SLC9A4: variants seen among roughly 807,000 people sequenced by gnomAD.
SLC9A4 encodes the protein sodium/hydrogen exchanger 4.
SLC9A4 carries 63 observed loss-of-function variants against 67.4 expected under a neutral mutation model. That is an observed-to-expected ratio of 0.93 (90% CI 0.76 to 1.15). SLC9A4 has a LOEUF of 1.15. Ranked by LOEUF, SLC9A4 falls within the 50% of genes most tolerant of loss-of-function variation. The probability of loss-of-function intolerance (pLI) is 0.00; values close to 1 mark genes in which losing one functional copy is unlikely to be tolerated. For missense variants in SLC9A4, 1,089 were observed against 987.7 expected (o/e 1.10, Z -1.38); for synonymous variants, 393 against 367.2 (o/e 1.07, Z -0.80).
intron 3 of SLC9A4, 152 bp downstream of exon 3, chr2:102,503,859 G>C (rs771162552): frequency 1.1e-5 from 12 of 1,092,082 alleles, no homozygotes; most frequent in Non-Finnish European, 1.5e-5. Flanking sequence ...TATGAAACCT[G>C]ATTCGGGTTC....
intron 2 of SLC9A4, among the ~76,000 whole-genome samples, chr2:102,490,196 G>A (rs1295584150): frequency 2.0e-5 from 3 of 152,138 alleles, no homozygotes; most frequent in Non-Finnish European, 4.4e-5. Context: ...AAGCAGTGAA[G>A]ATTAATTGTA....
chr2:102,530,857 T>C (rs1674765214), intron 11 of SLC9A4, among the ~76,000 whole-genome samples: 1 of 152,218 alleles, frequency 6.6e-6, no homozygotes, highest in Non-Finnish European at 1.5e-5. Context: ...GTTAGCTTCT[T>C]AGTATAATTT....
intron 4 of SLC9A4, among the ~76,000 whole-genome samples, chr2:102,507,462 G>C (rs576289997): frequency 6.6e-6 from 1 of 152,122 alleles, no homozygotes; most frequent in Non-Finnish European, 1.5e-5. Flanking sequence ...TATGTTTCAA[G>C]CAAGCTCTTC....
intron 2 of SLC9A4, among the ~76,000 whole-genome samples, chr2:102,502,200 T>C (rs1684956181): frequency 6.6e-6 from 1 of 152,200 alleles, no homozygotes; most frequent in African/African-American, 2.4e-5. Flanking sequence ...TATGTCTCAT[T>C]ACCTGTACAC....
chr2:102,522,488 G>T (rs948344301), intron 9 of SLC9A4, among the ~76,000 whole-genome samples: 1 of 152,148 alleles, frequency 6.6e-6, no homozygotes, highest in African/African-American at 2.4e-5. Flanking sequence ...AGAGAAGCAC[G>T]TGGGTCATGG....
rs554283268 is a variant in SLC9A4 at position 102,495,501 on chromosome 2, A to T, written c.721-7947A>T. 9.9e-5 allele frequency among the ~76,000 whole-genome samples: 15 copies of T among 151,972 alleles called. 1 individual carries two copies. In the South Asian group the frequency reaches 3.1e-3, roughly 32 times the overall value. On this transcript the variant is annotated intron_variant, in intron 2 of 11. Coordinates refer to ENST00000295269, the MANE Select transcript of SLC9A4 (RefSeq NM_001011552.4). The stretch of plus-strand genomic sequence containing the variant: ...CCAGAAAACATTTTAGTAGAAACTG[A>T]CAAAGCTGATTCTAAAAATCTGTTT...
intron 7 of SLC9A4, among the ~76,000 whole-genome samples, chr2:102,513,006 G>A (rs1002078316): frequency 3.3e-5 from 5 of 152,168 alleles, no homozygotes; most frequent in Non-Finnish European, 7.3e-5. Context: ...CACGTCAGGA[G>A]ACACAAAGCA....
intron 2 of SLC9A4, among the ~76,000 whole-genome samples, chr2:102,482,573 G>A (rs1380209370): frequency 1.3e-5 from 2 of 151,862 alleles, no homozygotes; most frequent in African/African-American, 4.8e-5. Context: ...TCTTAAGGTA[G>A]CCCCTCTGAC....
At chr2:102,521,315 G>T (rs1306271253) in intron 9 of SLC9A4, among the ~76,000 whole-genome samples, 8 of 152,080 alleles carry the variant, frequency 5.3e-5, no homozygotes, top group Non-Finnish European at 1.2e-4. Flanking sequence ...GCATCCTTTG[G>T]TCTTTTTTAG....
At chr2:102,522,634 C>T (rs1019565130) in intron 9 of SLC9A4, among the ~76,000 whole-genome samples, 2 of 152,168 alleles carry the variant, frequency 1.3e-5, no homozygotes, top group African/African-American at 4.8e-5. Context: ...CACACACACA[C>T]TGAATTCAGT....
chr2:102,474,579 G>A (rs1448827154), intron 1 of SLC9A4, among the ~76,000 whole-genome samples: 1 of 152,174 alleles, frequency 6.6e-6, no homozygotes, highest in African/African-American at 2.4e-5. Context: ...TAAAATATTA[G>A]TTTATACCTA....
intron 6 of SLC9A4, among the ~76,000 whole-genome samples, chr2:102,510,787 G>A (rs780234807): frequency 6.6e-6 from 1 of 152,200 alleles, no homozygotes; most frequent in Non-Finnish European, 1.5e-5. Flanking sequence ...ACATGGCCGA[G>A]TGGCAGATTT....
At chr2:102,531,999 A>G (rs141745253) in intron 11 of SLC9A4, among the ~76,000 whole-genome samples, 460 of 152,348 alleles carry the variant, frequency 3.0e-3, no homozygotes, top group African/African-American at 0.011. Context: ...GACAAGACCA[A>G]GCATCTTTGT....
chr2:102,490,732 A>G (rs952704370), intron 2 of SLC9A4, among the ~76,000 whole-genome samples: 2 of 152,164 alleles, frequency 1.3e-5, no homozygotes, highest in African/African-American at 4.8e-5. Context: ...GCTTTTAGGA[A>G]TTTCAGAAGC....
At chr2:102,504,266 A>G (rs1685004371) in intron 3 of SLC9A4, among the ~76,000 whole-genome samples, 1 of 152,068 alleles carries the variant, frequency 6.6e-6, no homozygotes, top group African/African-American at 2.4e-5. Flanking sequence ...GTTAGCCAAG[A>G]TGGTCTCGAT....
chr2:102,474,092 C>G, intron 1 of SLC9A4, 77 bp downstream of exon 1: 2 of 1,513,000 alleles, frequency 1.3e-6, no homozygotes, highest in Admixed American at 1.9e-5. Context: ...TTATAGATAA[C>G]GGGCTAAGAG....
At chr2:102,527,559 T>G (rs1346483207) in intron 11 of SLC9A4, among the ~76,000 whole-genome samples, 1 of 152,222 alleles carries the variant, frequency 6.6e-6, no homozygotes, top group Non-Finnish European at 1.5e-5. Flanking sequence ...GATTGGTATT[T>G]TAACAAATAA....
intron 2 of SLC9A4, among the ~76,000 whole-genome samples, chr2:102,500,067 T>A (rs1193564555): frequency 6.6e-6 from 1 of 152,192 alleles, no homozygotes; most frequent in East Asian, 1.9e-4. Flanking sequence ...GGATCGTAAC[T>A]GGAAACAGTG....
At chr2:102,492,016 C>T (rs1009829943) in intron 2 of SLC9A4, among the ~76,000 whole-genome samples, 5 of 152,240 alleles carry the variant, frequency 3.3e-5, no homozygotes, top group Admixed American at 3.3e-4. Context: ...CTTAAAGCTC[C>T]AAAATGATCT....
Sources: allele counts gnomAD v4.1 joint callset (sites outside exome capture counted in the v4.1 genomes callset), GRCh38; gene constraint gnomAD v4.1.1; transcripts MANE v1.5; gene names NCBI Gene and HGNC (gene_info 2026-07-23, HGNC 2026-07-21).